EPHB1: variants seen among roughly 807,000 people sequenced by gnomAD.
EPHB1 encodes ephrin type-B receptor 1.
EPHB1 carries 30 observed loss-of-function variants against 94.4 expected under a neutral mutation model. The ratio of observed to expected loss-of-function variants is 0.32; its 90% CI spans 0.24 to 0.43. The LOEUF is 0.43. Ranked by LOEUF, EPHB1 falls within the 20% of genes least tolerant of loss-of-function variation. The pLI, the probability that EPHB1 is intolerant of heterozygous loss-of-function variation, is 1.00. For synonymous variants in EPHB1, 522 were observed against 489.1 expected, an observed-to-expected ratio of 1.07 and a Z score of -0.89; for missense variants, 1,055 against 1,308.3, an observed-to-expected ratio of 0.81 and a Z score of 2.99.
intron 4 of EPHB1, among the ~76,000 whole-genome samples, chr3:135,131,924 A>G (rs1227806744): frequency 6.6e-6 from 1 of 152,130 alleles, no homozygotes; most frequent in African/African-American, 2.4e-5. Context: ...GAGCTATGCG[A>G]TCTATAGCCA....
chr3:135,057,262 A>G (rs779485963), intron 3 of EPHB1, among the ~76,000 whole-genome samples: 2 of 152,084 alleles, frequency 1.3e-5, no homozygotes, highest in Non-Finnish European at 2.9e-5. Context: ...TTATAGGAGA[A>G]AGAGAAGAAG....
At chr3:134,978,613 T>C (rs1934283826) in intron 3 of EPHB1, among the ~76,000 whole-genome samples, 1 of 152,248 alleles carries the variant, frequency 6.6e-6, no homozygotes, top group Non-Finnish European at 1.5e-5. Context: ...ACTCCAGGTC[T>C]GCTGAAACAG....
chr3:134,989,497 GCACACA>G (rs61202894), intron 3 of EPHB1, among the ~76,000 whole-genome samples: 15 of 149,968 alleles, frequency 1.0e-4, no homozygotes, highest in Admixed American at 8.6e-4. Flanking sequence ...ACGCGCGCGT[GCACACA>G]CACACACACA....
intron 9 of EPHB1, among the ~76,000 whole-genome samples, chr3:135,173,504 T>A (rs1238145722): frequency 6.6e-6 from 1 of 152,152 alleles, no homozygotes; most frequent in Non-Finnish European, 1.5e-5. Context: ...GCCTGCATTG[T>A]CCTCCCTGAG....
At chr3:135,039,778 C>T (rs1035121536) in intron 3 of EPHB1, among the ~76,000 whole-genome samples, 1 of 152,224 alleles carries the variant, frequency 6.6e-6, no homozygotes, top group African/African-American at 2.4e-5. Context: ...CCGCAAGCGC[C>T]GCACGCAGCC....
At chr3:135,224,895 G>A (rs1236016424) in intron 12 of EPHB1, among the ~76,000 whole-genome samples, 1 of 152,114 alleles carries the variant, frequency 6.6e-6, no homozygotes, top group African/African-American at 2.4e-5. Flanking sequence ...ATGACCTTTG[G>A]CCAAGAACAT....
intron 1 of EPHB1, among the ~76,000 whole-genome samples, chr3:134,811,802 A>G (rs919491273): frequency 1.3e-5 from 2 of 152,228 alleles, no homozygotes; most frequent in African/African-American, 2.4e-5. Context: ...TGCACCATCT[A>G]TCTTTTCCAA....
intron 4 of EPHB1, among the ~76,000 whole-genome samples, chr3:135,116,162 C>T (rs573652262): frequency 9.7e-4 from 148 of 152,200 alleles, no homozygotes; most frequent in Non-Finnish European, 1.7e-3. Context: ...TACATTGAGC[C>T]GAGATCGTGC....
intron 1 of EPHB1, among the ~76,000 whole-genome samples, chr3:134,860,298 C>T (rs549172906): frequency 9.8e-4 from 149 of 152,156 alleles, no homozygotes; most frequent in Non-Finnish European, 1.8e-3. Context: ...GTTAAAGATG[C>T]GTGGTTTTCG....
intron 5 of EPHB1, among the ~76,000 whole-genome samples, chr3:135,142,788 G>A (rs1940871435): frequency 6.6e-6 from 1 of 152,104 alleles, no homozygotes; most frequent in Non-Finnish European, 1.5e-5. Context: ...CACACAGGAG[G>A]GCAAGGCTCA....
At chr3:135,088,854 CAACAT>C (rs1197029995) in intron 3 of EPHB1, among the ~76,000 whole-genome samples, 1 of 152,178 alleles carries the variant, frequency 6.6e-6, no homozygotes, top group Non-Finnish European at 1.5e-5. Flanking sequence ...TGTCTATACT[CAACAT>C]ATTATCATTT....
intron 1 of EPHB1, among the ~76,000 whole-genome samples, chr3:134,817,749 G>A (rs541239645): frequency 1.3e-5 from 2 of 152,342 alleles, no homozygotes; most frequent in South Asian, 2.1e-4. Flanking sequence ...AAACTGGGAT[G>A]TGCTCTGGAA....
At chr3:135,099,184 T>C (rs1938932574) in intron 3 of EPHB1, among the ~76,000 whole-genome samples, 1 of 152,184 alleles carries the variant, frequency 6.6e-6, no homozygotes, top group Non-Finnish European at 1.5e-5. Context: ...CTCACTCAAT[T>C]AGCCGTAGAA....
chr3:134,947,524 C>T (rs928121804), intron 2 of EPHB1, among the ~76,000 whole-genome samples: 5 of 152,168 alleles, frequency 3.3e-5, no homozygotes, highest in Admixed American at 2.0e-4. Context: ...TCTACTCTTT[C>T]CCTTTGAATA....
At chr3:135,221,259 A>G (rs1943275240) in intron 12 of EPHB1, among the ~76,000 whole-genome samples, 1 of 152,192 alleles carries the variant, frequency 6.6e-6, no homozygotes, top group African/African-American at 2.4e-5. Context: ...TTCCCATTGC[A>G]TAGGCTATGG....
chr3:134,813,038 C>T lies in EPHB1; in HGVS notation c.58+17349C>T, dbSNP rs371812347. Among the ~76,000 whole-genome samples, 87 of 152,186 alleles carry T rather than the reference C, an allele frequency of 5.7e-4. 1 individual carries two copies. Among genetic ancestry groups the T allele is most frequent in the African/African-American group, 1.8e-3 (73 of 41,510 alleles). On this transcript the variant is annotated intron_variant, in intron 1 of 15. Transcript: ENST00000398015. The stretch of plus-strand genomic sequence containing the variant: ...GACAATTTGGGTTGCCCTGTTGTGC[C>T]GAGAAGACATAATTTGTACCTGTGC...
Position 135,151,439 on chromosome 3 carries a change from A to G in EPHB1, c.1298-2713A>G, listed in dbSNP as rs561601441. Among the ~76,000 whole-genome samples, 3 of 152,126 alleles carry G rather than the reference A, an allele frequency of 2.0e-5. No individual in the cohort carries two copies. The South Asian group carries it at 6.2e-4, about 32-fold the overall frequency. ...CCCTGTGCTCCTGCATCTGCTTCTC[A>G]GGCAGCCTTCCCTGATCACACACCT... is the stretch of plus-strand genomic sequence containing the variant. On this transcript the variant is annotated intron_variant, in intron 5 of 15. Coordinates refer to ENST00000398015, the MANE Select transcript of EPHB1 (RefSeq NM_004441.5).
At chr3:135,079,925 T>G (rs931396333) in intron 3 of EPHB1, among the ~76,000 whole-genome samples, 1 of 152,124 alleles carries the variant, frequency 6.6e-6, no homozygotes, top group Non-Finnish European at 1.5e-5. Flanking sequence ...AAGTCCATTT[T>G]CTGTGTCCAG....
intron 3 of EPHB1, among the ~76,000 whole-genome samples, chr3:135,101,634 G>A (rs933651507): frequency 3.3e-5 from 5 of 151,836 alleles, no homozygotes; most frequent in East Asian, 3.9e-4. Flanking sequence ...CACCCGCCTC[G>A]GCCTCCCAAA....
Sources: allele counts gnomAD v4.1 joint callset (sites outside exome capture counted in the v4.1 genomes callset), GRCh38; gene constraint gnomAD v4.1.1; transcripts MANE v1.5; gene names NCBI Gene and HGNC (gene_info 2026-07-23, HGNC 2026-07-21).